Variants in WDR70 observed in about 807,000 individuals in gnomAD.
WDR70 encodes WD repeat domain 70.
Under a neutral mutation model 88.6 loss-of-function variants are expected in WDR70, and 53 were observed. The ratio of observed to expected loss-of-function variants is 0.60; its 90% CI spans 0.48 to 0.75. The LOEUF is 0.75. WDR70 is among the 30% of genes least tolerant of loss of function. The probability of loss-of-function intolerance (pLI) is 0.00; values close to 1 mark genes in which losing one functional copy is unlikely to be tolerated. For missense variants in WDR70, 610 were observed against 823.2 expected, an observed-to-expected ratio of 0.74 and a Z score of 3.17; for synonymous variants, 280 against 270.0, an observed-to-expected ratio of 1.04 and a Z score of -0.36.
At chr5:37,413,300 C>T (rs1186722922) in intron 5 of WDR70, among the ~76,000 whole-genome samples, 1 of 152,132 alleles carries the variant, frequency 6.6e-6, no homozygotes, top group African/African-American at 2.4e-5. Context: ...ATGTCTTCTA[C>T]AGACTGGAAC....
chr5:37,580,384 G>T (rs924733254), intron 9 of WDR70, among the ~76,000 whole-genome samples: 1 of 152,094 alleles, frequency 6.6e-6, no homozygotes, highest in Non-Finnish European at 1.5e-5. Flanking sequence ...AGATAAAGAG[G>T]GCTTCAAATC....
chr5:37,636,888 T>C (rs976763917), intron 10 of WDR70, among the ~76,000 whole-genome samples: 2 of 152,200 alleles, frequency 1.3e-5, no homozygotes, highest in African/African-American at 4.8e-5. Flanking sequence ...GAAATTGGAA[T>C]GAGGTCTGTA....
chr5:37,416,583 CTTT>C (rs766896054), intron 5 of WDR70, among the ~76,000 whole-genome samples: 3 of 129,180 alleles, frequency 2.3e-5, no homozygotes, highest in Non-Finnish European at 3.3e-5. Flanking sequence ...GAGAGGGCTT[CTTT>C]TTTTTTTTTT....
At chr5:37,450,612 T>G (rs994697394) in intron 7 of WDR70, among the ~76,000 whole-genome samples, 3 of 152,220 alleles carry the variant, frequency 2.0e-5, no homozygotes, top group Non-Finnish European at 4.4e-5. Flanking sequence ...TGTAAAGCAA[T>G]TTAAGAATTG....
At chr5:37,635,308 C>T (rs1744926178) in intron 10 of WDR70, among the ~76,000 whole-genome samples, 1 of 152,138 alleles carries the variant, frequency 6.6e-6, no homozygotes, top group African/African-American at 2.4e-5. Context: ...GAGGATCCTG[C>T]ACTGTGGTGT....
intron 17 of WDR70, among the ~76,000 whole-genome samples, chr5:37,747,213 A>G (rs145661255): frequency 2.6e-5 from 4 of 152,214 alleles, no homozygotes; most frequent in African/African-American, 9.6e-5. Context: ...TGGGCAAAAC[A>G]TATCAACAGA....
intron 10 of WDR70, among the ~76,000 whole-genome samples, chr5:37,677,928 C>T (rs1041243004): frequency 4.6e-5 from 7 of 152,170 alleles, no homozygotes; most frequent in African/African-American, 7.2e-5. Context: ...GTATTGGGTG[C>T]ATATATATTT....
intron 5 of WDR70, among the ~76,000 whole-genome samples, chr5:37,417,250 G>T (rs1408036806): frequency 6.6e-6 from 1 of 152,018 alleles, no homozygotes; most frequent in Non-Finnish European, 1.5e-5. Flanking sequence ...TTGAGACAGG[G>T]TCTTGCTCTG....
At chr5:37,655,307 G>A (rs982844251) in intron 10 of WDR70, among the ~76,000 whole-genome samples, 1 of 152,186 alleles carries the variant, frequency 6.6e-6, no homozygotes, top group South Asian at 2.1e-4. Context: ...GCAGAGAGAT[G>A]CGCTGTTAGT....
At chr5:37,380,431 C>T (rs773482908) in intron 2 of WDR70, among the ~76,000 whole-genome samples, 19 of 151,934 alleles carry the variant, frequency 1.3e-4, no homozygotes, top group African/African-American at 2.4e-5. Flanking sequence ...CTCTGCCTCC[C>T]GGATTCACGC....
At chr5:37,617,778 G>A (rs1239108927) in intron 10 of WDR70, among the ~76,000 whole-genome samples, 1 of 152,098 alleles carries the variant, frequency 6.6e-6, no homozygotes, top group Non-Finnish European at 1.5e-5. Flanking sequence ...AGAAATCCTA[G>A]CTTTCATAGT....
intron 10 of WDR70, among the ~76,000 whole-genome samples, chr5:37,637,998 G>C (rs768444078): frequency 6.6e-6 from 1 of 152,080 alleles, no homozygotes; most frequent in Non-Finnish European, 1.5e-5. Context: ...GAGTGTCAGT[G>C]GTGTCCTCCA....
intron 17 of WDR70, among the ~76,000 whole-genome samples, chr5:37,732,889 A>G (rs944838768): frequency 6.6e-6 from 1 of 151,946 alleles, no homozygotes; most frequent in Non-Finnish European, 1.5e-5. Flanking sequence ...TTGGGGTTTT[A>G]TTTAGGAAGG....
At chr5:37,667,129 T>G (rs1172435998) in intron 10 of WDR70, among the ~76,000 whole-genome samples, 1 of 152,148 alleles carries the variant, frequency 6.6e-6, no homozygotes, top group Non-Finnish European at 1.5e-5. Flanking sequence ...TATACTAGAC[T>G]TTTTTGAGAA....
At chr5:37,567,390 C>T (rs138978481) in intron 9 of WDR70, among the ~76,000 whole-genome samples, 150 of 152,228 alleles carry the variant, frequency 9.9e-4, no homozygotes, top group African/African-American at 3.3e-3. Context: ...GAATAAATCT[C>T]TTGTATAACT....
chr5:37,744,058 A>C (rs1339511200), intron 17 of WDR70, among the ~76,000 whole-genome samples: 4 of 152,148 alleles, frequency 2.6e-5, no homozygotes, highest in African/African-American at 9.7e-5. Context: ...GTCCCAGAAG[A>C]AGGAGGAGGC....
intron 5 of WDR70, among the ~76,000 whole-genome samples, chr5:37,401,778 T>C (rs1052131623): frequency 2.6e-5 from 4 of 151,578 alleles, no homozygotes; most frequent in Admixed American, 1.3e-4. Context: ...TTTTAAGGAT[T>C]TTTTTTAATT....
intron 8 of WDR70, among the ~76,000 whole-genome samples, chr5:37,503,324 C>T (rs1044260188): frequency 4.0e-5 from 6 of 151,664 alleles, no homozygotes; most frequent in African/African-American, 1.5e-4. Flanking sequence ...CATAGGTAAA[C>T]GTGTGTTATG....
rs371612431 is a variant in WDR70 at position 37,647,727 on chromosome 5, C to T, written c.1092+42489C>T. Among the ~76,000 whole-genome samples the T allele has an allele frequency of 2.0e-4, 31 of 152,314 alleles. No homozygotes were observed. The South Asian group carries it at 4.1e-3, about 20-fold the overall frequency. On this transcript the variant is annotated intron_variant, in intron 10 of 17. Coordinates refer to ENST00000265107, the MANE Select transcript of WDR70 (RefSeq NM_018034.4). ...TTCTCTTTCCTTACTCCCAAACTTA[C>T]TTTGTTTGTTTCTCCTAAACAAGCA... is the stretch of plus-strand genomic sequence containing the variant.
Sources: allele counts gnomAD v4.1 joint callset (sites outside exome capture counted in the v4.1 genomes callset), GRCh38; gene constraint gnomAD v4.1.1; transcripts MANE v1.5; gene names NCBI Gene and HGNC (gene_info 2026-07-23, HGNC 2026-07-21).